The following VPS54 variants were observed in gnomAD, a reference collection of about 807,000 sequenced individuals.
The protein encoded by VPS54 is VPS54 subunit of GARP complex.
Under a neutral mutation model 121.5 loss-of-function variants are expected in VPS54, and 45 were observed. That is an observed-to-expected ratio of 0.37 (90% CI 0.29 to 0.47). The LOEUF is 0.47. Ranked by LOEUF, VPS54 falls within the 20% of genes least tolerant of loss-of-function variation. The pLI is 0.99. For missense variants in VPS54, 1,090 were observed against 1,131.4 expected (o/e 0.96, Z 0.52); for synonymous variants, 371 against 385.8 (o/e 0.96, Z 0.45).
Position 63,916,950 on chromosome 2 carries a change from C to A in VPS54, c.2178G>T (p.Arg726Ser). 1 of 1,613,574 alleles carries A rather than the reference C, an allele frequency of 6.2e-7. No homozygotes were observed. ...PEKKSGATEE[R>S]KPAEVLIVEG... ...CGACAATAAGAACTTCAGCTGGTTTCCTTTCTTCTGTGGCTACAGAGTTAA... is the reference window on the plus strand; with the variant it reads ...CGACAATAAGAACTTCAGCTGGTTTACTTTCTTCTGTGGCTACAGAGTTAA... Residue 726 changes from arginine to serine, a missense_variant, in exon 16 of 23, where the codon AGG becomes AGT. Coordinates refer to ENST00000272322, the MANE Select transcript of VPS54 (RefSeq NM_016516.3).
chr2:63,992,091 G>C (rs1029809132), intron 1 of VPS54, among the ~76,000 whole-genome samples: 1 of 152,126 alleles, frequency 6.6e-6, no homozygotes, highest in Non-Finnish European at 1.5e-5. Flanking sequence ...TTCAGTTGAC[G>C]AGATTAAACT....
At chr2:64,001,973 C>T (rs551242561) in intron 1 of VPS54, among the ~76,000 whole-genome samples, 45 of 152,202 alleles carry the variant, frequency 3.0e-4, no homozygotes, top group Admixed American at 5.2e-4. Context: ...TTTAGGACCC[C>T]GGCACACCTC....
chr2:63,923,307 A>T (rs36033991), intron 12 of VPS54, among the ~76,000 whole-genome samples: 2 of 148,436 alleles, frequency 1.3e-5, no homozygotes, highest in Non-Finnish European at 3.0e-5. Flanking sequence ...AGGAGTGAGG[A>T]AAAAAAAAAA....
chr2:63,985,625 T>G (rs1677013544), intron 1 of VPS54, among the ~76,000 whole-genome samples: 1 of 151,908 alleles, frequency 6.6e-6, no homozygotes, highest in Non-Finnish European at 1.5e-5. Flanking sequence ...AGGAACTGAC[T>G]ATAGTGGAAA....
At chr2:63,960,446 A>G (rs1675704551) in intron 7 of VPS54, among the ~76,000 whole-genome samples, 1 of 152,222 alleles carries the variant, frequency 6.6e-6, no homozygotes, top group Non-Finnish European at 1.5e-5. Context: ...CCTCTTCTTA[A>G]AATTACTTTT....
rs767995765 is a variant in VPS54 at position 63,919,927 on chromosome 2, G to A, written c.2120C>T (p.Ser707Phe). 1.2e-6 allele frequency: 2 copies of A among 1,611,832 alleles called. No homozygotes were observed. Among genetic ancestry groups the A allele is most frequent in the Admixed American group, 3.3e-5 (2 of 59,884 alleles). ...TAAAGCAATCTTCCCATCTGACAGAGAATCAACAAGATCCTGAAATTCTGC... is the reference window on the plus strand; with the variant it reads ...TAAAGCAATCTTCCCATCTGACAGAAAATCAACAAGATCCTGAAATTCTGC... ...VPAEFQDLVD[S>F]LSDGKIALPE... The change falls in exon 15 of 23, where the codon TCT (serine) becomes TTT (phenylalanine). Residue 707 changes from serine (S) to phenylalanine (F), a missense_variant. Coordinates refer to ENST00000272322, the MANE Select transcript of VPS54 (RefSeq NM_016516.3).
At chr2:63,962,679 GT>G (rs1316052516) in intron 6 of VPS54, among the ~76,000 whole-genome samples, 2 of 152,096 alleles carry the variant, frequency 1.3e-5, no homozygotes, top group Non-Finnish European at 2.9e-5. Context: ...TTCCTCCTCT[GT>G]TCCTGTCATT....
intron 2 of VPS54, among the ~76,000 whole-genome samples, chr2:63,982,576 A>G (rs1676847260): frequency 6.6e-6 from 1 of 152,238 alleles, no homozygotes; most frequent in Non-Finnish European, 1.5e-5. Context: ...CTTATTCAGT[A>G]TACATCATTG....
chr2:63,975,091 T>A, intron 3 of VPS54: 2 of 1,502,820 alleles, frequency 1.3e-6, no homozygotes, highest in Non-Finnish European at 1.8e-6. Flanking sequence ...TGTCACCCAA[T>A]CTGTAGTGCA....
At chr2:63,979,655 C>T (rs1320129622) in intron 3 of VPS54, among the ~76,000 whole-genome samples, 1 of 152,188 alleles carries the variant, frequency 6.6e-6, no homozygotes, top group Non-Finnish European at 1.5e-5. Context: ...CTGAGCATCA[C>T]CCCACAAATC....
chr2:63,975,575 G>T (rs960721931), intron 3 of VPS54: 1 of 152,480 alleles, frequency 6.6e-6, no homozygotes, highest in Non-Finnish European at 1.5e-5. Flanking sequence ...TGCCTCATTT[G>T]ATCTTGTTGG....
intron 1 of VPS54, among the ~76,000 whole-genome samples, chr2:64,000,104 C>A (rs1677800800): frequency 6.6e-6 from 1 of 152,082 alleles, no homozygotes; most frequent in African/African-American, 2.4e-5. Context: ...TCATGATCCA[C>A]CCTCCTCAGC....
intron 21 of VPS54, among the ~76,000 whole-genome samples, chr2:63,899,044 G>A (rs1315339954): frequency 6.6e-6 from 1 of 152,058 alleles, no homozygotes; most frequent in African/African-American, 2.4e-5. Flanking sequence ...TAACAATAAA[G>A]CAGATTGAGT....
Position 63,972,195 on chromosome 2 carries a change from G to T in VPS54, c.428C>A (p.Thr143Asn), listed in dbSNP as rs747951137. 11 of 1,590,586 alleles carry T rather than the reference G, an allele frequency of 6.9e-6. No individual in the cohort carries two copies. In the Admixed American group the frequency reaches 1.5e-4, roughly 22 times the overall value. ...RCKNICPPKD[T>N]FERTLLHTHD... Reference sequence around the variant, plus strand: ...AGTATGTAAAAGAGTCCTTTCGAAGGTATCTTTAGGAGGACAAATATTCTT... The same window carrying T: ...AGTATGTAAAAGAGTCCTTTCGAAGTTATCTTTAGGAGGACAAATATTCTT... The change falls in exon 4 of 23, where the codon ACC (threonine) becomes AAC (asparagine). Residue 143 changes from threonine (T) to asparagine (N), a missense_variant. Thr to Asn is a moderately conservative substitution (Grantham distance 65). Coordinates refer to ENST00000272322, the MANE Select transcript of VPS54 (RefSeq NM_016516.3).
intron 3 of VPS54, among the ~76,000 whole-genome samples, chr2:63,978,135 AGTT>A (rs2104604484): frequency 6.6e-6 from 1 of 152,270 alleles, no homozygotes; most frequent in African/African-American, 2.4e-5. Context: ...GGTGCTTCTC[AGTT>A]GTTGATTTTC....
In VPS54 at chr2:63,953,701, A is replaced by G. The variant is rs77463890; in HGVS notation, c.1011-4538T>C. ...TATCTAAGATGAGAGACAGACAGAT[A>G]GATGGATGGATAGATAGATACAAAC... On this transcript the variant is annotated intron_variant, in intron 7 of 22. Coordinates refer to ENST00000272322, the MANE Select transcript of VPS54 (RefSeq NM_016516.3). 4.8e-3 allele frequency among the ~76,000 whole-genome samples: 727 copies of G among 152,198 alleles called. 12 individuals carry two copies. The highest frequency in any genetic ancestry group is 0.017 in the African/African-American group (696 of 41,512).
In VPS54 at chr2:63,912,357, C is replaced by T; in HGVS notation, c.2613G>A (p.Lys871=). The T allele has an allele frequency of 6.2e-7, 1 of 1,608,976 alleles. No homozygotes were observed. Among genetic ancestry groups the T allele is most frequent in the Non-Finnish European group, 8.5e-7 (1 of 1,177,328 alleles). ...TATAAATCATTACCTTAGATAACAG[C>T]TTGTCAAATAAGCTATCCATTATCG... ...LVAIMDSLFD[K]LLSKYEVKAP... is the part of the protein sequence containing the mutation. The change falls in exon 20 of 23, where the codon AAG becomes AAA. Residue 871 remains lysine (K), a synonymous_variant. Coordinates refer to ENST00000272322, the MANE Select transcript of VPS54 (RefSeq NM_016516.3).
At chr2:63,946,606 CAATT>C (rs1674991293) in intron 9 of VPS54, among the ~76,000 whole-genome samples, 2 of 151,922 alleles carry the variant, frequency 1.3e-5, no homozygotes, top group African/African-American at 2.4e-5. Context: ...TGATAATAAT[CAATT>C]AAGCCTAATA....
rs575910028 is a variant in VPS54, at chr2:63,893,496, A to G, written c.2868T>C (p.Leu956=). 1.1e-5 allele frequency: 18 copies of G among 1,614,072 alleles called. No homozygotes were observed. In the African/African-American group the frequency reaches 2.4e-4, roughly 22 times the overall value. The part of the protein sequence containing the change: ...TADVAFYTGN[L]QALKGLKDLD... Reference sequence around the variant, plus strand: ...AATCTTTAAGGCCTTTTAAGGCTTGAAGATTTCCAGTGTAAAAAGCTACAT... The same window carrying G: ...AATCTTTAAGGCCTTTTAAGGCTTGGAGATTTCCAGTGTAAAAAGCTACAT... Residue 956 remains leucine, a synonymous_variant, in exon 23 of 23, where the codon CTT becomes CTC. Transcript: ENST00000272322.
Sources: gnomAD v4.1 joint callset for allele counts (sites outside exome capture counted in the v4.1 genomes callset) on GRCh38, gnomAD v4.1.1 for gene constraint, MANE v1.5 for transcripts, NCBI Gene and HGNC (gene_info 2026-07-23, HGNC 2026-07-21) for gene names.